NCOR1: variants seen among roughly 807,000 people sequenced by gnomAD.
NCOR1 encodes the protein nuclear receptor corepressor 1, also known as protein phosphatase 1, regulatory subunit 109.
A neutral mutation model predicts 288.1 loss-of-function variants in NCOR1; 63 were observed. The observed-to-expected ratio is 0.22, with a 90% CI of 0.18 to 0.27. The LOEUF is 0.27. NCOR1 is among the 10% of genes least tolerant of loss of function. NCOR1 has a pLI of 1.00. For synonymous variants in NCOR1, 1,007 were observed against 1,065.9 expected, an observed-to-expected ratio of 0.94 and a Z score of 1.08; for missense variants, 2,397 against 3,019.2, an observed-to-expected ratio of 0.79 and a Z score of 4.83.
chr17:16,156,033 G>A (rs774390192), intron 6 of NCOR1, among the ~76,000 whole-genome samples: 7 of 152,132 alleles, frequency 4.6e-5, no homozygotes, highest in African/African-American at 9.7e-5. Context: ...GGGCTCACAC[G>A]TGTAATCTCA....
intron 12 of NCOR1, 141 bp downstream of exon 12, chr17:16,138,867 C>A: frequency 1.7e-6 from 1 of 584,466 alleles, no homozygotes; most frequent in Admixed American, 3.1e-5. Flanking sequence ...GATCAATATT[C>A]TCTACTTTTC....
chr17:16,129,188 C>CA (rs1425021017), intron 14 of NCOR1, among the ~76,000 whole-genome samples: 1 of 152,172 alleles, frequency 6.6e-6, no homozygotes, highest in Non-Finnish European at 1.5e-5. Flanking sequence ...TCCCCACATG[C>CA]AAAATCACAA....
intron 4 of NCOR1, 93 bp downstream of exon 4, chr17:16,171,709 TG>T (rs1434729747): frequency 1.2e-5 from 14 of 1,164,046 alleles, no homozygotes; most frequent in Non-Finnish European, 1.6e-5. Flanking sequence ...TAGAGACTGG[TG>T]TAACTGGACT....
At chr17:16,117,168 T>C (rs376487248) in intron 18 of NCOR1, among the ~76,000 whole-genome samples, 15 of 152,210 alleles carry the variant, frequency 9.9e-5, no homozygotes, top group Non-Finnish European at 1.9e-4. Context: ...AAATGTCTAA[T>C]ATACCAAATC....
chr17:16,067,816 G>A, intron 32 of NCOR1, 78 bp downstream of exon 32: 1 of 1,351,760 alleles, frequency 7.4e-7, no homozygotes, highest in Non-Finnish European at 1.0e-6. Context: ...GTACTATATT[G>A]TACAACAACA....
At chr17:16,115,338 T>A (rs574261066) in intron 18 of NCOR1, among the ~76,000 whole-genome samples, 15 of 152,308 alleles carry the variant, frequency 9.8e-5, no homozygotes, top group African/African-American at 3.6e-4. Flanking sequence ...GTGAAGAAAT[T>A]TTCCCCATTG....
chr17:16,195,610 T>C (rs1258983080), intron 1 of NCOR1, among the ~76,000 whole-genome samples: 3 of 152,280 alleles, frequency 2.0e-5, no homozygotes, highest in Non-Finnish European at 4.4e-5. Context: ...TACTCTAGTA[T>C]TATGAGGTTT....
chr17:16,075,270 AACTG>A (rs1428754335), intron 27 of NCOR1, among the ~76,000 whole-genome samples: 12 of 152,234 alleles, frequency 7.9e-5, no homozygotes, highest in South Asian at 6.2e-4. Flanking sequence ...ACCTAAGCTA[AACTG>A]ACTGACCACA....
At chr17:16,175,366 T>C (rs982878129) in intron 3 of NCOR1, among the ~76,000 whole-genome samples, 2 of 151,908 alleles carry the variant, frequency 1.3e-5, no homozygotes, top group African/African-American at 2.4e-5. Flanking sequence ...CCAGACTCAT[T>C]TGTCTTTTAA....
chr17:16,086,584 A>T, intron 22 of NCOR1, 142 bp from the exon 23 acceptor site: 1 of 788,928 alleles, frequency 1.3e-6, no homozygotes. Context: ...TCTATTTTAA[A>T]TTTCTCATTC....
chr17:16,044,665 T>G lies in NCOR1; in HGVS notation c.6679+2286A>C, dbSNP rs983685227. 6.1e-6 allele frequency: 4 copies of G among 658,960 alleles called. No individual in the cohort carries two copies. The African/African-American group carries it at 7.2e-5, about 12-fold the overall frequency. The allele number at this position is 658,960 out of a possible 1,614,324, so 40.8% of individuals were successfully genotyped here. On this transcript the variant is annotated intron_variant, in intron 42 of 45. Transcript: ENST00000268712. Reference sequence around the variant, plus strand: ...TCGCCTGCATCTACTCAGCCCTCACTCTGCATGACAATGAGGTGACCATCA... The same window carrying G: ...TCGCCTGCATCTACTCAGCCCTCACGCTGCATGACAATGAGGTGACCATCA...
At chr17:16,044,813 G>A in intron 42 of NCOR1, 2 of 1,104,512 alleles carry the variant, frequency 1.8e-6, no homozygotes, top group Middle Eastern at 2.9e-4. Flanking sequence ...CAATGTAGGG[G>A]CTGGTGGACC....
At chr17:16,091,841 G>A (rs2065230309) in intron 22 of NCOR1, 22 bp downstream of exon 22, 1 of 1,613,568 alleles carries the variant, frequency 6.2e-7, no homozygotes, top group East Asian at 2.2e-5. Flanking sequence ...AAGTTCTCTT[G>A]GTGATAGCTC....
Position 16,108,853 on chromosome 17 carries a change from A to C in NCOR1, c.2115T>G (p.Thr705=). 6.2e-7 allele frequency: 1 copy of C among 1,607,440 alleles called. No individual in the cohort carries two copies. The highest frequency in any genetic ancestry group is 8.5e-7 in the Non-Finnish European group (1 of 1,175,928). The part of the protein sequence containing the change: ...DVSQCESVAS[T]VSAQEDEDIE... Reference sequence around the variant, plus strand: ...TATCTTCATCCTCCTGAGCAGAAACAGTGGAAGCGACACTTTCACATTGAG... The same window carrying C: ...TATCTTCATCCTCCTGAGCAGAAACCGTGGAAGCGACACTTTCACATTGAG... The change falls in exon 19 of 46, where the codon ACT becomes ACG. Residue 705 remains threonine (T), a synonymous_variant. Transcript: ENST00000268712.
At chr17:16,039,796 C>CT (rs932257225) in intron 43 of NCOR1, 142 bp from the exon 44 acceptor site, 850 of 682,454 alleles carry the variant, frequency 1.2e-3, no homozygotes, top group Non-Finnish European at 1.5e-3. Context: ...ACACAGAGAC[C>CT]TTTTTTTTTG....
At chr17:16,138,273 A>C in intron 12 of NCOR1, 61 bp from the exon 13 acceptor site, 1 of 1,430,528 alleles carries the variant, frequency 7.0e-7, no homozygotes, top group Non-Finnish European at 9.7e-7. Flanking sequence ...CTAAAAAAAA[A>C]AAAACTTGGG....
chr17:16,117,532 A>C (rs899616372), intron 18 of NCOR1, among the ~76,000 whole-genome samples: 4 of 151,542 alleles, frequency 2.6e-5, no homozygotes, highest in African/African-American at 9.7e-5. Flanking sequence ...AAAAAAAAAA[A>C]AACATCAAGG....
At chr17:16,050,204 C>A (rs2059145330) in intron 40 of NCOR1, among the ~76,000 whole-genome samples, 1 of 151,782 alleles carries the variant, frequency 6.6e-6, no homozygotes, top group Non-Finnish European at 1.5e-5. Flanking sequence ...ATTACAAGCA[C>A]CTCGCCCCAC....
At chr17:16,076,106 T>C (rs1253426159) in intron 26 of NCOR1, among the ~76,000 whole-genome samples, 1 of 152,262 alleles carries the variant, frequency 6.6e-6, no homozygotes, top group Non-Finnish European at 1.5e-5. Flanking sequence ...CTGGAATACA[T>C]TCTTAAATAA....
Sources: gnomAD v4.1 joint callset for allele counts (sites outside exome capture counted in the v4.1 genomes callset) on GRCh38, gnomAD v4.1.1 for gene constraint, MANE v1.5 for transcripts, NCBI Gene and HGNC (gene_info 2026-07-23, HGNC 2026-07-21) for gene names.